STRBP: variants seen among roughly 807,000 people sequenced by gnomAD.
STRBP encodes spermatid perinuclear RNA binding protein.
Under a neutral mutation model 80.1 loss-of-function variants are expected in STRBP, and 13 were observed. The ratio of observed to expected loss-of-function variants is 0.16; its 90% CI spans 0.11 to 0.26. The LOEUF is 0.26. Among genes scored for constraint, STRBP ranks in the 10% least tolerant of loss-of-function variants. STRBP has a pLI of 1.00. For synonymous variants in STRBP, 284 were observed against 291.2 expected (o/e 0.98, Z 0.25); for missense variants, 485 against 815.2 (o/e 0.59, Z 4.93).
chr9:123,225,435 T>C (rs1473196359), intron 2 of STRBP, among the ~76,000 whole-genome samples: 1 of 152,128 alleles, frequency 6.6e-6, no homozygotes, highest in African/African-American at 2.4e-5. Context: ...CCTCTGGAGG[T>C]TGTGGTATAC....
Position 123,268,545 on chromosome 9 carries a change from G to A in STRBP, c.-411C>T, listed in dbSNP as rs1402829674. ...TCTGCCCAGCGGCGGCGGCTGCGGC[G>A]GCTGCTGCCCTGGTGGCGCTCGCGG... On this transcript the variant is annotated 5_prime_UTR_variant, in exon 1 of 19. Transcript: ENST00000348403. 5.9e-6 allele frequency: 1 copy of A among 169,738 alleles called. No homozygotes were observed. The allele number at this position is 169,738 out of a possible 1,614,324, so 10.5% of individuals were successfully genotyped here. A position where few individuals can be genotyped will look rare whatever the true frequency, so the allele number is the denominator to read the frequency against.
At chr9:123,257,079 T>C (rs1474769004) in intron 1 of STRBP, among the ~76,000 whole-genome samples, 1 of 152,160 alleles carries the variant, frequency 6.6e-6, no homozygotes, top group Non-Finnish European at 1.5e-5. Flanking sequence ...GAATTCCTTA[T>C]TCCTGCATTC....
intron 2 of STRBP, among the ~76,000 whole-genome samples, chr9:123,200,467 T>C (rs2039274546): frequency 6.6e-6 from 1 of 152,090 alleles, no homozygotes; most frequent in Non-Finnish European, 1.5e-5. Flanking sequence ...CTCAATCTTT[T>C]GGAATAGTTT....
Position 123,136,226 on chromosome 9 carries a change from CTA to C in STRBP, c.1633-47_1633-46del, listed in dbSNP as rs1284983649. On this transcript the variant is annotated intron_variant, in intron 15 of 18. Coordinates refer to ENST00000348403, the MANE Select transcript of STRBP (RefSeq NM_018387.5). The surrounding 1 kb of genome is among the most constrained non-coding windows in gnomAD (Gnocchi z 4.2). ...CTTGCAATTATCCCATGCAATTCCT[CTA>C]TGTCCTTTTAATTTAAATAGATTAT... The C allele has an allele frequency of 1.9e-6, 3 of 1,607,214 alleles. No homozygotes were observed. In the African/African-American group the frequency reaches 4.0e-5, roughly 22 times the overall value.
At chr9:123,266,972 T>C (rs2041281019) in intron 1 of STRBP, among the ~76,000 whole-genome samples, 1 of 151,552 alleles carries the variant, frequency 6.6e-6, no homozygotes, top group Non-Finnish European at 1.5e-5. Context: ...CTCCAGTCTA[T>C]CCCGTTGTCC....
chr9:123,247,621 C>T (rs1368622638), intron 1 of STRBP, among the ~76,000 whole-genome samples: 2 of 152,116 alleles, frequency 1.3e-5, no homozygotes, highest in Non-Finnish European at 2.9e-5. Flanking sequence ...TTAGTCCAGG[C>T]CTCAGTTTTC....
intron 1 of STRBP, among the ~76,000 whole-genome samples, chr9:123,239,102 G>A (rs941728285): frequency 3.3e-5 from 5 of 152,090 alleles, no homozygotes; most frequent in African/African-American, 1.2e-4. Flanking sequence ...TAGGCTGGGC[G>A]CGGTAGCTCA....
intron 3 of STRBP, chr9:123,111,362 C>G: frequency 3.6e-6 from 1 of 274,022 alleles, no homozygotes; most frequent in Non-Finnish European, 7.6e-6. Context: ...GAACTTCTCA[C>G]CACCTCCCTA....
At chr9:123,169,767 A>T in intron 6 of STRBP, 135 bp downstream of exon 6, 1 of 478,608 alleles carries the variant, frequency 2.1e-6, no homozygotes, top group Non-Finnish European at 3.1e-6. Context: ...AAATACTATT[A>T]AATAGAGTGG....
chr9:123,116,010 C>A (rs185260716), exon 3 of STRBP: 2 of 456,310 alleles, frequency 4.4e-6, no homozygotes, highest in Admixed American at 2.3e-5. Flanking sequence ...TTTCAAGGTG[C>A]TTTCAGCTTT....
Position 123,125,516 on chromosome 9 carries a change from A to C in STRBP, c.*81T>G, listed in dbSNP as rs2035858874. ...TTTTGATCAAGTATGTGTTCAAAGA[A>C]AGCAGGATAAAAAGGCTTTTTCTCT... is the stretch of plus-strand genomic sequence containing the variant. On this transcript the variant is annotated 3_prime_UTR_variant, in exon 19 of 19. Transcript: ENST00000348403. The C allele has an allele frequency of 2.2e-6, 3 of 1,393,896 alleles. No individual in the cohort carries two copies. The highest frequency in any genetic ancestry group is 1.5e-5 in the African/African-American group (1 of 68,180). 86.3% of individuals were successfully genotyped at this position (1,393,896 alleles called of 1,614,324 possible). A position where few individuals can be genotyped will look rare whatever the true frequency, so the allele number is the denominator to read the frequency against.
chr9:123,262,666 G>A (rs1404711715), intron 1 of STRBP, among the ~76,000 whole-genome samples: 2 of 152,328 alleles, frequency 1.3e-5, no homozygotes, highest in South Asian at 4.1e-4. Flanking sequence ...AGTTATGTCA[G>A]AAGTTAAGAG....
intron 1 of STRBP, among the ~76,000 whole-genome samples, chr9:123,249,780 C>T (rs1160839136): frequency 6.6e-6 from 1 of 152,184 alleles, no homozygotes; most frequent in Non-Finnish European, 1.5e-5. Flanking sequence ...CCCTGGAGGT[C>T]CTCAAGACCT....
intron 2 of STRBP, among the ~76,000 whole-genome samples, chr9:123,213,121 A>G (rs1179437104): frequency 1.3e-5 from 2 of 152,200 alleles, no homozygotes; most frequent in African/African-American, 4.8e-5. Context: ...CAAGGCCGCA[A>G]TGAAGGTTCA....
chr9:123,137,059 CT>C (rs2036385626), intron 14 of STRBP, among the ~76,000 whole-genome samples: 1 of 152,164 alleles, frequency 6.6e-6, no homozygotes, highest in Admixed American at 6.5e-5. Context: ...GGCAGTCACT[CT>C]CTGCCCTCAA....
chr9:123,245,109 A>G (rs148044719), intron 1 of STRBP, among the ~76,000 whole-genome samples: 176 of 152,370 alleles, frequency 1.2e-3, no homozygotes, highest in African/African-American at 4.1e-3. Flanking sequence ...ATAAAATTAC[A>G]GAGATGGATT....
rs2035759373 is a variant in STRBP at position 123,122,388 on chromosome 9, C to G, written c.*3209G>C. ...ATACATTAACGAGGTATTCCCAGCTCTTCAATTAATAATGGTGGCTGATTC... is the reference window on the plus strand; with the variant it reads ...ATACATTAACGAGGTATTCCCAGCTGTTCAATTAATAATGGTGGCTGATTC... On this transcript the variant is annotated 3_prime_UTR_variant, in exon 19 of 19. Coordinates refer to ENST00000348403, the MANE Select transcript of STRBP (RefSeq NM_018387.5). 6 of 1,265,544 alleles carry G rather than the reference C, an allele frequency of 4.7e-6. No homozygotes were observed. The South Asian group carries it at 8.0e-5, about 17-fold the overall frequency. The allele number at this position is 1,265,544 out of a possible 1,614,324, so 78.4% of individuals were successfully genotyped here. A position where few individuals can be genotyped will look rare whatever the true frequency, so the allele number is the denominator to read the frequency against.
intron 1 of STRBP, among the ~76,000 whole-genome samples, chr9:123,259,075 A>AGGG (rs1379471598): frequency 0.042 from 5,969 of 141,400 alleles, 632 homozygotes; most frequent in East Asian, 0.41. Context: ...AAAAAAAAAA[A>AGGG]GGGGGGGGGA....
At chr9:123,155,884 A>T (rs1428444563) in intron 11 of STRBP, among the ~76,000 whole-genome samples, 2 of 152,054 alleles carry the variant, frequency 1.3e-5, no homozygotes, top group Non-Finnish European at 2.9e-5. Flanking sequence ...GAATGTCAGG[A>T]AGCTAGGTGC....
Sources: gnomAD v4.1 joint callset for allele counts (sites outside exome capture counted in the v4.1 genomes callset) on GRCh38, gnomAD v4.1.1 for gene constraint, Gnocchi (gnomAD v3.1) non-coding constraint, MANE v1.5 for transcripts, NCBI Gene and HGNC (gene_info 2026-07-23, HGNC 2026-07-21) for gene names.